The following RBFOX1 variants were observed in gnomAD, a reference collection of about 807,000 sequenced individuals.
The protein encoded by RBFOX1 is RNA binding fox-1 homolog 1.
A neutral mutation model predicts 57.7 loss-of-function variants in RBFOX1; 8 were observed. The ratio of observed to expected loss-of-function variants is 0.14; its 90% CI spans 0.08 to 0.25. RBFOX1 has a LOEUF of 0.25. Ranked by LOEUF, RBFOX1 falls within the 10% of genes least tolerant of loss-of-function variation. The probability of loss-of-function intolerance (pLI) is 1.00; values close to 1 mark genes in which losing one functional copy is unlikely to be tolerated. For missense variants in RBFOX1, 611 were observed against 548.5 expected (o/e 1.11, Z -1.14); for synonymous variants, 326 against 222.4 (o/e 1.47, Z -4.15).
intron 3 of RBFOX1, among the ~76,000 whole-genome samples, chr16:6,957,485 G>C (rs1245957134): frequency 2.0e-5 from 3 of 152,164 alleles, no homozygotes; most frequent in African/African-American, 7.2e-5. Flanking sequence ...GTAACTTCCT[G>C]ACGTTGCCAT....
At chr16:7,000,687 C>A (rs1326591020) in intron 3 of RBFOX1, among the ~76,000 whole-genome samples, 1 of 142,852 alleles carries the variant, frequency 7.0e-6, no homozygotes, top group African/African-American at 2.6e-5. Context: ...TCACTGCAAC[C>A]TCTGCCTACC....
At chr16:5,776,444 G>C (rs1175064273) in intron 3 of RBFOX1, among the ~76,000 whole-genome samples, 1 of 152,302 alleles carries the variant, frequency 6.6e-6, no homozygotes, top group South Asian at 2.1e-4. Context: ...ACCTGAGACA[G>C]AATCTCAGTG....
intron 3 of RBFOX1, among the ~76,000 whole-genome samples, chr16:6,870,658 G>A (rs1304675028): frequency 6.6e-6 from 1 of 152,116 alleles, no homozygotes; most frequent in East Asian, 1.9e-4. Flanking sequence ...AACGATGATG[G>A]GAATATTACC....
chr16:6,019,569 C>T lies in RBFOX1; in HGVS notation c.-550C>T. On this transcript the variant is annotated 5_prime_UTR_variant, in exon 1 of 16. Transcript: ENST00000550418. The surrounding 1 kb of genome is among the most constrained non-coding windows in gnomAD (Gnocchi z 4.2). ...AGCAGAGGCGGCGGCACTGGCTGGA[C>T]CCACGCGCGCGCCTCCGGGGCTGAA... The T allele has an allele frequency of 1.7e-6, 2 of 1,159,100 alleles. No homozygotes were observed. Among genetic ancestry groups the T allele is most frequent in the Non-Finnish European group, 2.1e-6 (2 of 941,178 alleles). 71.8% of individuals were successfully genotyped at this position (1,159,100 alleles called of 1,614,324 possible).
chr16:5,524,747 G>C (rs1178049863), intron 2 of RBFOX1, among the ~76,000 whole-genome samples: 1 of 151,932 alleles, frequency 6.6e-6, no homozygotes, highest in Non-Finnish European at 1.5e-5. Flanking sequence ...CACCGTGTTG[G>C]CCAGGCTGGT....
chr16:6,826,322 A>T (rs564965165), intron 3 of RBFOX1, among the ~76,000 whole-genome samples: 3 of 152,226 alleles, frequency 2.0e-5, no homozygotes, highest in African/African-American at 4.8e-5. Flanking sequence ...AGACCAGCCT[A>T]GGCAACATGG....
At chr16:7,595,518 T>C (rs2094640536) in intron 7 of RBFOX1, 31 bp from the exon 8 acceptor site, 1 of 1,493,024 alleles carries the variant, frequency 6.7e-7, no homozygotes, top group Non-Finnish European at 9.1e-7. Flanking sequence ...ATAATCTGCA[T>C]GTTGTTTTCC....
chr16:6,523,359 G>C (rs1291680132), intron 2 of RBFOX1, among the ~76,000 whole-genome samples: 8 of 152,102 alleles, frequency 5.3e-5, no homozygotes, highest in Admixed American at 5.2e-4. Flanking sequence ...GTTTGGTGTG[G>C]GGCTGAGGGG....
chr16:6,507,407 A>C (rs1251094892), intron 2 of RBFOX1, among the ~76,000 whole-genome samples: 1 of 146,838 alleles, frequency 6.8e-6, no homozygotes, highest in Non-Finnish European at 1.5e-5. Flanking sequence ...ATGGAGGCTA[A>C]TGCCTGTAAT....
In RBFOX1 at chr16:7,197,975, A is replaced by G. The variant is rs969926080; in HGVS notation, c.27+145877A>G. On this transcript the variant is annotated intron_variant, in intron 4 of 15. Coordinates refer to ENST00000550418, the MANE Select transcript of RBFOX1 (RefSeq NM_018723.4). ...TTTTTTCCCCCGTTCCACTCAGCTC[A>G]TACCTTGTGGTTTTCTTTCTTTCTT... 4.0e-5 allele frequency among the ~76,000 whole-genome samples: 5 copies of G among 125,554 alleles called. No homozygotes were observed. In the East Asian group the frequency reaches 6.1e-4, roughly 15 times the overall value. 82.4% of individuals were successfully genotyped at this position (125,554 alleles called of 152,430 possible). A position where few individuals can be genotyped will look rare whatever the true frequency, so the allele number is the denominator to read the frequency against.
chr16:5,494,673 G>A (rs2042941836), intron 2 of RBFOX1, among the ~76,000 whole-genome samples: 1 of 152,170 alleles, frequency 6.6e-6, no homozygotes, highest in Non-Finnish European at 1.5e-5. Context: ...TTGTGGGCAG[G>A]TTTGCATGTC....
chr16:5,964,228 G>T (rs1352630079), intron 4 of RBFOX1, among the ~76,000 whole-genome samples: 1 of 152,148 alleles, frequency 6.6e-6, no homozygotes, highest in Non-Finnish European at 1.5e-5. Context: ...GATGGCTGTT[G>T]TCCAAAGGCC....
chr16:6,512,090 G>A (rs962567748), intron 2 of RBFOX1, among the ~76,000 whole-genome samples: 5 of 150,542 alleles, frequency 3.3e-5, no homozygotes, highest in African/African-American at 1.2e-4. Context: ...ATGCAACATA[G>A]TAAGACCTCT....
intron 1 of RBFOX1, among the ~76,000 whole-genome samples, chr16:6,217,722 T>C (rs1365154302): frequency 2.0e-5 from 3 of 152,234 alleles, no homozygotes; most frequent in Non-Finnish European, 4.4e-5. Context: ...CCCTCACAAA[T>C]ATGTTGCATA....
At chr16:6,433,423 C>T (rs180984297) in intron 2 of RBFOX1, among the ~76,000 whole-genome samples, 2 of 152,338 alleles carry the variant, frequency 1.3e-5, no homozygotes, top group Non-Finnish European at 2.9e-5. Flanking sequence ...TAGCCCATCA[C>T]CTTTCTCATG....
At chr16:5,659,860 C>G (rs1487573546) in intron 3 of RBFOX1, among the ~76,000 whole-genome samples, 2 of 152,126 alleles carry the variant, frequency 1.3e-5, no homozygotes, top group Non-Finnish European at 2.9e-5. Flanking sequence ...CAGGTATCCC[C>G]AAATACTAGT....
At chr16:6,788,101 A>T (rs1033237027) in intron 3 of RBFOX1, among the ~76,000 whole-genome samples, 1 of 152,224 alleles carries the variant, frequency 6.6e-6, no homozygotes, top group South Asian at 2.1e-4. Flanking sequence ...GCATGCCTGT[A>T]ATCCTAGCTA....
At chr16:5,346,673 G>A (rs1333490681) in intron 1 of RBFOX1, among the ~76,000 whole-genome samples, 1 of 152,210 alleles carries the variant, frequency 6.6e-6, no homozygotes, top group Non-Finnish European at 1.5e-5. Flanking sequence ...TGCTGTGGGA[G>A]TGGAGTGAGA....
At chr16:5,243,272 G>A (rs1416500335) in intron 1 of RBFOX1, among the ~76,000 whole-genome samples, 1 of 152,162 alleles carries the variant, frequency 6.6e-6, no homozygotes, top group Non-Finnish European at 1.5e-5. Context: ...GTGTTGTCAG[G>A]TGGAACCGAG....
Sources: allele counts gnomAD v4.1 joint callset (sites outside exome capture counted in the v4.1 genomes callset), GRCh38; gene constraint gnomAD v4.1.1; non-coding constraint Gnocchi (gnomAD v3.1); transcripts MANE v1.5; gene names NCBI Gene and HGNC (gene_info 2026-07-23, HGNC 2026-07-21).